TAOK3: variants seen among roughly 807,000 people sequenced by gnomAD.
TAOK3 encodes the protein serine/threonine-protein kinase TAO3.
Under a neutral mutation model 120.4 loss-of-function variants are expected in TAOK3, and 40 were observed. The ratio of observed to expected loss-of-function variants is 0.33; its 90% confidence interval spans 0.26 to 0.43. The LOEUF is 0.43. Among genes scored for constraint, TAOK3 ranks in the 20% least tolerant of loss-of-function variants. The probability of loss-of-function intolerance (pLI) is 1.00; values close to 1 mark genes in which losing one functional copy is unlikely to be tolerated. For missense variants in TAOK3, 821 were observed against 1,112.1 expected (o/e 0.74, Z 3.72); for synonymous variants, 355 against 387.5 (o/e 0.92, Z 0.99).
At chr12:118,356,448 C>A (rs1279959788) in intron 1 of TAOK3, among the ~76,000 whole-genome samples, 1 of 151,968 alleles carries the variant, frequency 6.6e-6, no homozygotes, top group South Asian at 2.1e-4. Context: ...TACAGACTTA[C>A]ACCACCACGC....
intron 3 of TAOK3, among the ~76,000 whole-genome samples, chr12:118,254,010 G>A (rs757027233): frequency 2.6e-5 from 4 of 152,194 alleles, no homozygotes; most frequent in Non-Finnish European, 2.9e-5. Context: ...AGCCAAGATC[G>A]TGCCACTGTA....
intron 3 of TAOK3, among the ~76,000 whole-genome samples, chr12:118,253,407 G>A (rs529434471): frequency 1.3e-5 from 2 of 152,098 alleles, no homozygotes; most frequent in African/African-American, 4.8e-5. Context: ...TGCTTTAATG[G>A]ACTATTATGC....
intron 1 of TAOK3, among the ~76,000 whole-genome samples, chr12:118,354,283 A>T (rs1014554486): frequency 6.6e-5 from 10 of 152,186 alleles, no homozygotes; most frequent in African/African-American, 2.4e-4. Flanking sequence ...AGGTTAGTTG[A>T]ACACAAGCAC....
At chr12:118,322,945 C>G (rs1464530380) in intron 1 of TAOK3, among the ~76,000 whole-genome samples, 1 of 151,912 alleles carries the variant, frequency 6.6e-6, no homozygotes, top group African/African-American at 2.4e-5. Context: ...CTCTTGACCT[C>G]AGATGATCCA....
intron 3 of TAOK3, among the ~76,000 whole-genome samples, chr12:118,254,197 C>T (rs1402328725): frequency 6.6e-6 from 1 of 152,176 alleles, no homozygotes; most frequent in Non-Finnish European, 1.5e-5. Context: ...AGGGGTACAG[C>T]CTTGTACCCC....
chr12:118,240,905 C>T (rs1307584084), intron 5 of TAOK3, among the ~76,000 whole-genome samples: 2 of 151,102 alleles, frequency 1.3e-5, no homozygotes, highest in Admixed American at 1.3e-4. Context: ...CCTTGCATTA[C>T]TGAGATAATT....
chr12:118,225,278 T>G, intron 9 of TAOK3, among the ~76,000 whole-genome samples: 1 of 148,862 alleles, frequency 6.7e-6, no homozygotes, highest in Non-Finnish European at 1.5e-5. Flanking sequence ...AGATACAACT[T>G]AAAAATATAC....
chr12:118,360,459 T>C (rs2045556885), intron 1 of TAOK3, among the ~76,000 whole-genome samples: 1 of 149,326 alleles, frequency 6.7e-6, no homozygotes, highest in Non-Finnish European at 1.5e-5. Flanking sequence ...TTCCAGCTAC[T>C]CGGGAGGCTG....
intron 1 of TAOK3, among the ~76,000 whole-genome samples, chr12:118,334,495 T>C (rs2044281556): frequency 6.6e-6 from 1 of 152,162 alleles, no homozygotes; most frequent in Non-Finnish European, 1.5e-5. Context: ...CAGTATAAAA[T>C]TTCAGCTTTG....
chr12:118,161,636 T>G lies in TAOK3; in HGVS notation c.2139+152A>C, dbSNP rs1592982040. On this transcript the variant is annotated intron_variant, in intron 18 of 20. Transcript: ENST00000392533. This position sits in a 1 kb window ranked among gnomAD's most constrained non-coding sequence, Gnocchi z 4.5. Reference sequence around the variant, plus strand: ...AACATCTCCTTTTCAGGAGCTTAAATATAGACTCTGTGCTTTGCAACTGGA... The same window carrying G: ...AACATCTCCTTTTCAGGAGCTTAAAGATAGACTCTGTGCTTTGCAACTGGA... 5 of 1,031,510 alleles carry G rather than the reference T, an allele frequency of 4.8e-6. No individual in the cohort carries two copies. The East Asian group carries it at 1.2e-4, about 25-fold the overall frequency. The allele number at this position is 1,031,510 out of a possible 1,614,324, so 63.9% of individuals were successfully genotyped here. A position where few individuals can be genotyped will look rare whatever the true frequency, so the allele number is the denominator to read the frequency against.
In TAOK3 at chr12:118,246,301, T is replaced by C. The variant is rs1430884281; in HGVS notation, c.121-1336A>G. 5.7e-6 allele frequency: 9 copies of C among 1,584,400 alleles called. No homozygotes were observed. The East Asian group carries it at 2.0e-4, about 35-fold the overall frequency. Reference sequence around the variant, plus strand: ...AAGTTGGGCCGCTTGGTCAAGGACATGAAGATCAAGTCCCTGGAGGAGATC... The same window carrying C: ...AAGTTGGGCCGCTTGGTCAAGGACACGAAGATCAAGTCCCTGGAGGAGATC... On this transcript the variant is annotated intron_variant, in intron 3 of 20. Coordinates refer to ENST00000392533, the MANE Select transcript of TAOK3 (RefSeq NM_016281.4).
intron 1 of TAOK3, among the ~76,000 whole-genome samples, chr12:118,305,338 G>A (rs748076497): frequency 1.3e-5 from 2 of 151,984 alleles, no homozygotes; most frequent in Non-Finnish European, 1.5e-5. Context: ...AAAATTAGCC[G>A]GGCATGCATC....
chr12:118,178,592 G>T, intron 15 of TAOK3, among the ~76,000 whole-genome samples: 1 of 152,056 alleles, frequency 6.6e-6, no homozygotes, highest in East Asian at 1.9e-4. Flanking sequence ...CCAGTAGCTG[G>T]GATTACAGGC....
intron 1 of TAOK3, among the ~76,000 whole-genome samples, chr12:118,305,484 A>C (rs2043016843): frequency 6.6e-6 from 1 of 152,082 alleles, no homozygotes; most frequent in South Asian, 2.1e-4. Context: ...AAAAACAAAA[A>C]AATAATAAAA....
chr12:118,334,031 A>T (rs2044258186), intron 1 of TAOK3, among the ~76,000 whole-genome samples: 1 of 150,358 alleles, frequency 6.7e-6, no homozygotes, highest in East Asian at 2.0e-4. Context: ...GCTACTCAGG[A>T]GGCTGAGGCA....
chr12:118,166,941 G>T (rs2035639462), intron 17 of TAOK3, among the ~76,000 whole-genome samples: 1 of 151,906 alleles, frequency 6.6e-6, no homozygotes. Context: ...TGTCCAGTGT[G>T]TTTCAAGCAC....
At position 118,199,034 on chromosome 12, in the gene TAOK3, G is replaced by A. The variant is rs568370004; in HGVS notation, c.1194+17C>T. 2 of 1,613,700 alleles carry A rather than the reference G, an allele frequency of 1.2e-6. No homozygotes were observed. The highest frequency in any genetic ancestry group is 1.1e-5 in the South Asian group (1 of 91,044). ...ATTGACAAAGCTCACCTCTGTGGAG[G>A]GTACCAAGAAACCTACTTTCTTATG... On this transcript the variant is annotated intron_variant, in intron 13 of 20. Coordinates refer to ENST00000392533, the MANE Select transcript of TAOK3 (RefSeq NM_016281.4).
intron 1 of TAOK3, among the ~76,000 whole-genome samples, chr12:118,288,907 C>G (rs1281524224): frequency 6.7e-5 from 7 of 104,422 alleles, no homozygotes; most frequent in African/African-American, 2.7e-4. Flanking sequence ...CAGAGCAAGA[C>G]TCTATCTCAA....
At chr12:118,165,174 T>C (rs1419112188) in intron 17 of TAOK3, among the ~76,000 whole-genome samples, 1 of 152,184 alleles carries the variant, frequency 6.6e-6, no homozygotes, top group Non-Finnish European at 1.5e-5. Flanking sequence ...ACCTAGACCA[T>C]CAAATTTCTT....
Sources: gnomAD v4.1 joint callset for allele counts (sites outside exome capture counted in the v4.1 genomes callset) on GRCh38, gnomAD v4.1.1 for gene constraint, Gnocchi (gnomAD v3.1) non-coding constraint, MANE v1.5 for transcripts, NCBI Gene and HGNC (gene_info 2026-07-23, HGNC 2026-07-21) for gene names.